The following PNOC variants were observed in gnomAD, a reference collection of about 807,000 sequenced individuals.
The protein encoded by PNOC is prepronociceptin, also known as nociceptin.
Under a neutral mutation model 15.6 loss-of-function variants are expected in PNOC, and 10 were observed. That is an observed-to-expected ratio of 0.64 (90% CI 0.40 to 1.09). The LOEUF is 1.09. Ranked by LOEUF, PNOC falls within the 50% of genes least tolerant of loss-of-function variation. The pLI is 0.01. For missense variants in PNOC, 220 were observed against 223.9 expected (o/e 0.98, Z 0.11); for synonymous variants, 98 against 88.5 (o/e 1.11, Z -0.60).
chr8:28,341,165 C>T (rs1198831181), intron 3 of PNOC, among the ~76,000 whole-genome samples: 2 of 152,202 alleles, frequency 1.3e-5, no homozygotes, highest in African/African-American at 4.8e-5. Context: ...AGTACATATG[C>T]TAATGTTTGG....
intron 2 of PNOC, among the ~76,000 whole-genome samples, chr8:28,330,400 T>TATTTTTTTTTTTTTTTTTTTTTTTTTTTA (rs1431540071): frequency 3.9e-5 from 4 of 102,228 alleles, no homozygotes; most frequent in Non-Finnish European, 6.1e-5. Context: ...TATTTTATTT[T>TATTTTTTTTTTTTTTTTTTTTTTTTTTTA]TTTTTTTTTT....
At chr8:28,318,775 C>T (rs1801101344) in intron 1 of PNOC, among the ~76,000 whole-genome samples, 1 of 152,254 alleles carries the variant, frequency 6.6e-6, no homozygotes, top group Non-Finnish European at 1.5e-5. Context: ...TGTGGTACAG[C>T]CTCGGGTCAT....
intron 1 of PNOC, among the ~76,000 whole-genome samples, chr8:28,328,885 C>T (rs1470413465): frequency 2.0e-5 from 3 of 152,144 alleles, no homozygotes; most frequent in Non-Finnish European, 2.9e-5. Context: ...GGTGTCCTGC[C>T]ACCCAGGACT....
At chr8:28,340,444 T>C (rs771628480) in intron 3 of PNOC, among the ~76,000 whole-genome samples, 1 of 152,214 alleles carries the variant, frequency 6.6e-6, no homozygotes, top group Non-Finnish European at 1.5e-5. Context: ...TACATCACTT[T>C]GAGTGGCATT....
chr8:28,320,874 A>C (rs1309149439), intron 1 of PNOC, among the ~76,000 whole-genome samples: 1 of 151,882 alleles, frequency 6.6e-6, no homozygotes, highest in Non-Finnish European at 1.5e-5. Flanking sequence ...AAAAAGAAGA[A>C]GAAGTTTGAA....
In PNOC at chr8:28,339,484, AC is replaced by A. The variant is rs757107604; in HGVS notation, c.*43del. On this transcript the variant is annotated 3_prime_UTR_variant, in exon 3 of 4. Coordinates refer to ENST00000301908, the MANE Select transcript of PNOC (RefSeq NM_006228.5). ...CCTCCCAGCTGTACCGGCCACTGCA[AC>A]CCATGAGTGAGTTGGGCACCAATAA... 3 of 1,500,562 alleles carry A rather than the reference AC, an allele frequency of 2.0e-6. No individual in the cohort carries two copies. In the African/African-American group the frequency reaches 4.2e-5, roughly 21 times the overall value. 93.0% of individuals were successfully genotyped at this position (1,500,562 alleles called of 1,614,324 possible).
intron 3 of PNOC, among the ~76,000 whole-genome samples, chr8:28,342,110 C>T (rs1444797382): frequency 6.6e-6 from 1 of 152,080 alleles, no homozygotes; most frequent in East Asian, 1.9e-4. Flanking sequence ...TTTGGGATGC[C>T]GAGGCTGGTG....
At chr8:28,317,837 G>A (rs1585821440) in intron 1 of PNOC, among the ~76,000 whole-genome samples, 2 of 152,126 alleles carry the variant, frequency 1.3e-5, no homozygotes, top group African/African-American at 4.8e-5. Context: ...TTAATCCGGA[G>A]GGAGCCCTTC....
At chr8:28,334,978 A>G (rs1047235119) in intron 2 of PNOC, among the ~76,000 whole-genome samples, 1 of 152,214 alleles carries the variant, frequency 6.6e-6, no homozygotes, top group African/African-American at 2.4e-5. Context: ...TGTGTTAAGC[A>G]TCTCTGAGCA....
At chr8:28,319,989 C>T (rs959763407) in intron 1 of PNOC, among the ~76,000 whole-genome samples, 1 of 151,774 alleles carries the variant, frequency 6.6e-6, no homozygotes, top group South Asian at 2.1e-4. Flanking sequence ...CAGGGGCAAG[C>T]CAGTTTTCTG....
intron 1 of PNOC, among the ~76,000 whole-genome samples, chr8:28,322,685 T>A (rs1320885665): frequency 6.6e-6 from 1 of 152,168 alleles, no homozygotes; most frequent in African/African-American, 2.4e-5. Context: ...TGCTATGAAA[T>A]GCAAATAGAT....
chr8:28,324,662 G>C (rs190889242), intron 1 of PNOC, among the ~76,000 whole-genome samples: 1 of 152,106 alleles, frequency 6.6e-6, no homozygotes, highest in Non-Finnish European at 1.5e-5. Context: ...TCAGGAGTTC[G>C]AGACCAGCTT....
chr8:28,339,342 G>A lies in PNOC; in HGVS notation c.429G>A (p.Leu143=), dbSNP rs1176713217. Residue 143 remains leucine, a synonymous_variant, in exon 3 of 4, where the codon TTG becomes TTA. Coordinates refer to ENST00000301908, the MANE Select transcript of PNOC (RefSeq NM_006228.5). ...GGGCCCGGAAGTCGGCCAGGAAGTT[G>A]GCCAATCAGAAGCGGTTCAGTGAGT... ...FTGARKSARK[L]ANQKRFSEFM... is the part of the protein sequence containing the mutation. 1 of 1,611,338 alleles carries A rather than the reference G, an allele frequency of 6.2e-7. No individual in the cohort carries two copies. Among genetic ancestry groups the A allele is most frequent in the East Asian group, 2.2e-5 (1 of 44,862 alleles).
intron 3 of PNOC, among the ~76,000 whole-genome samples, chr8:28,341,410 G>A (rs1258706188): frequency 6.6e-6 from 1 of 152,178 alleles, no homozygotes; most frequent in Non-Finnish European, 1.5e-5. Context: ...TATCTGCACA[G>A]CACCTAACAG....
chr8:28,335,497 T>C (rs1295516959), intron 2 of PNOC, among the ~76,000 whole-genome samples: 1 of 152,218 alleles, frequency 6.6e-6, no homozygotes, highest in African/African-American at 2.4e-5. Context: ...CCTGCTTCTA[T>C]TCTTCAGAGA....
intron 2 of PNOC, among the ~76,000 whole-genome samples, chr8:28,332,447 T>C (rs1801343448): frequency 6.6e-6 from 1 of 152,190 alleles, no homozygotes; most frequent in African/African-American, 2.4e-5. Flanking sequence ...TAGTAGACTA[T>C]TTGAGTATGG....
At chr8:28,329,375 G>A in intron 2 of PNOC, 92 bp downstream of exon 2, 1 of 1,460,228 alleles carries the variant, frequency 6.8e-7, no homozygotes, top group Non-Finnish European at 9.4e-7. Flanking sequence ...GAGAAGCCAA[G>A]GCCTCTCCCA....
intron 2 of PNOC, among the ~76,000 whole-genome samples, chr8:28,336,076 C>T (rs1391713848): frequency 3.3e-5 from 5 of 152,170 alleles, no homozygotes; most frequent in Non-Finnish European, 5.9e-5. Context: ...CAACTAGCTG[C>T]GACCCCTGTT....
At chr8:28,325,651 C>CA (rs1260926640) in intron 1 of PNOC, among the ~76,000 whole-genome samples, 15,131 of 52,890 alleles carry the variant, frequency 0.29, 1,490 homozygotes, top group African/African-American at 0.42. Flanking sequence ...GACTCTGTCT[C>CA]AAAAAAAAAA....
Sources: gnomAD v4.1 joint callset for allele counts (sites outside exome capture counted in the v4.1 genomes callset) on GRCh38, gnomAD v4.1.1 for gene constraint, MANE v1.5 for transcripts, NCBI Gene and HGNC (gene_info 2026-07-23, HGNC 2026-07-21) for gene names.